Variants in SPOCK1 observed in about 807,000 individuals in gnomAD.
SPOCK1 encodes testican-1.
SPOCK1 carries 23 observed loss-of-function variants against 55.3 expected under a neutral mutation model. The ratio of observed to expected loss-of-function variants is 0.42; its 90% confidence interval spans 0.30 to 0.59. The LOEUF is 0.59. Among genes scored for constraint, SPOCK1 ranks in the 20% least tolerant of loss-of-function variants. The pLI, the probability that SPOCK1 is intolerant of heterozygous loss-of-function variation, is 0.22. For synonymous variants in SPOCK1, 226 were observed against 221.0 expected (o/e 1.02, Z -0.20); for missense variants, 499 against 552.5 (o/e 0.90, Z 0.97).
At chr5:137,422,913 GT>G (rs1487021021) in intron 2 of SPOCK1, among the ~76,000 whole-genome samples, 1 of 152,112 alleles carries the variant, frequency 6.6e-6, no homozygotes, top group Non-Finnish European at 1.5e-5. Flanking sequence ...CATCTTTGTG[GT>G]TTTATCTACC....
At chr5:137,230,019 G>A (rs1254374731) in intron 3 of SPOCK1, among the ~76,000 whole-genome samples, 1 of 152,060 alleles carries the variant, frequency 6.6e-6, no homozygotes, top group Non-Finnish European at 1.5e-5. Context: ...ATGAAGGAAA[G>A]GCAATGCAAG....
chr5:137,085,809 T>G (rs78009119), intron 5 of SPOCK1, among the ~76,000 whole-genome samples: 2,277 of 152,276 alleles, frequency 0.015, 29 homozygotes, highest in Middle Eastern at 0.092. Flanking sequence ...CTTGCCAGTT[T>G]GATGGGTGGA....
intron 2 of SPOCK1, among the ~76,000 whole-genome samples, chr5:137,427,864 G>A (rs867723969): frequency 4.7e-5 from 7 of 148,602 alleles, no homozygotes; most frequent in South Asian, 4.3e-4. Flanking sequence ...AGCCGAGATC[G>A]CGCCACTGCA....
At chr5:137,390,692 G>T (rs1337339428) in intron 2 of SPOCK1, among the ~76,000 whole-genome samples, 1 of 152,138 alleles carries the variant, frequency 6.6e-6, no homozygotes, top group East Asian at 1.9e-4. Flanking sequence ...CATTAACATG[G>T]CCTGTCTCAA....
At chr5:137,417,541 C>T (rs1339506280) in intron 2 of SPOCK1, among the ~76,000 whole-genome samples, 1 of 152,070 alleles carries the variant, frequency 6.6e-6, no homozygotes, top group Admixed American at 6.6e-5. Flanking sequence ...TTTCTCTCAG[C>T]TTCCACTCCA....
intron 3 of SPOCK1, among the ~76,000 whole-genome samples, chr5:137,218,533 G>A (rs1042175032): frequency 2.6e-5 from 4 of 152,178 alleles, no homozygotes; most frequent in Non-Finnish European, 4.4e-5. Flanking sequence ...ATTTGAAGTT[G>A]GAATCCCAGA....
chr5:137,214,142 T>C lies in SPOCK1; in HGVS notation c.232+52868A>G, dbSNP rs10515491. On this transcript the variant is annotated intron_variant, in intron 3 of 10. Coordinates refer to ENST00000394945, the MANE Select transcript of SPOCK1 (RefSeq NM_004598.4). ...GACAGTAAATAGTTAACAAAATTAC[T>C]ATTACTTACTGCTATGAACCAGACA... 9.4e-3 allele frequency among the ~76,000 whole-genome samples: 1,438 copies of C among 152,330 alleles called. 13 individuals carry two copies. Among genetic ancestry groups the C allele is most frequent in the Non-Finnish European group, 0.016 (1,055 of 68,032 alleles).
At chr5:137,080,952 T>A (rs1752869959) in intron 5 of SPOCK1, among the ~76,000 whole-genome samples, 1 of 152,220 alleles carries the variant, frequency 6.6e-6, no homozygotes, top group Non-Finnish European at 1.5e-5. Flanking sequence ...CTTTTGCAAC[T>A]TCAAACCAAT....
chr5:137,152,392 G>A (rs1017350438), intron 3 of SPOCK1, among the ~76,000 whole-genome samples: 1 of 152,182 alleles, frequency 6.6e-6, no homozygotes, highest in Non-Finnish European at 1.5e-5. Flanking sequence ...GGGCTATCAT[G>A]CTAATATAAA....
chr5:137,483,915 G>A (rs1753999367), intron 2 of SPOCK1, among the ~76,000 whole-genome samples: 1 of 152,326 alleles, frequency 6.6e-6, no homozygotes, highest in East Asian at 1.9e-4. Context: ...AGCACCCGGG[G>A]AAGCCCTTCT....
chr5:137,476,704 C>G (rs942115377), intron 2 of SPOCK1, among the ~76,000 whole-genome samples: 2 of 152,170 alleles, frequency 1.3e-5, no homozygotes, highest in Non-Finnish European at 2.9e-5. Flanking sequence ...GCAAGTGGAT[C>G]ACTTGAGGTC....
chr5:137,138,713 C>CAA (rs1383118172), intron 4 of SPOCK1, among the ~76,000 whole-genome samples: 2 of 119,476 alleles, frequency 1.7e-5, no homozygotes, highest in African/African-American at 6.0e-5. Context: ...CCCCCCCCCC[C>CAA]AAAAAAAAGT....
intron 2 of SPOCK1, among the ~76,000 whole-genome samples, chr5:137,377,360 G>A (rs1038300680): frequency 6.6e-6 from 1 of 152,114 alleles, no homozygotes; most frequent in African/African-American, 2.4e-5. Context: ...ACTGAGACAG[G>A]AGCACTCAGT....
intron 3 of SPOCK1, among the ~76,000 whole-genome samples, chr5:137,256,667 G>T (rs1756640261): frequency 6.6e-6 from 1 of 152,082 alleles, no homozygotes; most frequent in Non-Finnish European, 1.5e-5. Flanking sequence ...TCAAACCACT[G>T]CAGGCTCCTG....
At chr5:137,148,045 G>C (rs7732324) in intron 3 of SPOCK1, among the ~76,000 whole-genome samples, 136,348 of 152,166 alleles carry the variant, frequency 0.9, 61,162 homozygotes, top group African/African-American at 0.93. Context: ...CTTCCTCTCC[G>C]GACAGCCACA....
At chr5:137,484,343 C>G (rs1022638421) in intron 2 of SPOCK1, among the ~76,000 whole-genome samples, 3 of 152,220 alleles carry the variant, frequency 2.0e-5, no homozygotes, top group Admixed American at 2.0e-4. Flanking sequence ...TGAGGAAGGG[C>G]AGCAGCTTCT....
intron 6 of SPOCK1, among the ~76,000 whole-genome samples, chr5:136,994,304 G>A (rs1333871961): frequency 6.6e-6 from 1 of 152,142 alleles, no homozygotes; most frequent in Non-Finnish European, 1.5e-5. Flanking sequence ...ACTGAGAAAT[G>A]TCTCGACAGG....
At chr5:137,308,372 C>T (rs1249184514) in intron 2 of SPOCK1, among the ~76,000 whole-genome samples, 1 of 152,202 alleles carries the variant, frequency 6.6e-6, no homozygotes, top group Non-Finnish European at 1.5e-5. Flanking sequence ...TCTCCTTTGA[C>T]CTCTGGCTGC....
chr5:137,434,923 A>G (rs1561534988), intron 2 of SPOCK1, among the ~76,000 whole-genome samples: 1 of 152,236 alleles, frequency 6.6e-6, no homozygotes, highest in Non-Finnish European at 1.5e-5. Flanking sequence ...TTCTGATTAT[A>G]AAAGTAATAA....
Sources: gnomAD v4.1 joint callset for allele counts (sites outside exome capture counted in the v4.1 genomes callset) on GRCh38, gnomAD v4.1.1 for gene constraint, MANE v1.5 for transcripts, NCBI Gene and HGNC (gene_info 2026-07-23, HGNC 2026-07-21) for gene names.